The following SHANK2 variants were observed in gnomAD, a reference collection of about 807,000 sequenced individuals.
The protein encoded by SHANK2 is SH3 and multiple ankyrin repeat domains 2.
In SHANK2, 43 loss-of-function variants were observed where a neutral mutation model predicts 133.7. That is an observed-to-expected ratio of 0.32 (90% CI 0.25 to 0.41). SHANK2 has a LOEUF of 0.41. Ranked by LOEUF, SHANK2 falls within the 10% of genes least tolerant of loss-of-function variation. The pLI, the probability that SHANK2 is intolerant of heterozygous loss-of-function variation, is 1.00. For synonymous variants in SHANK2, 1,017 were observed against 952.8 expected, an observed-to-expected ratio of 1.07 and a Z score of -1.24; for missense variants, 1,994 against 2,235.8, an observed-to-expected ratio of 0.89 and a Z score of 2.18.
At chr11:70,954,098 G>A (rs767729443) in intron 10 of SHANK2, among the ~76,000 whole-genome samples, 12 of 152,230 alleles carry the variant, frequency 7.9e-5, no homozygotes, top group South Asian at 6.2e-4. Flanking sequence ...GGCACTCATC[G>A]GGGAAGAGGA....
chr11:70,687,141 T>C (rs1174904305), intron 15 of SHANK2, among the ~76,000 whole-genome samples: 1 of 152,206 alleles, frequency 6.6e-6, no homozygotes, highest in Non-Finnish European at 1.5e-5. Flanking sequence ...TAGAATTTTA[T>C]ATTCACAAGA....
At chr11:70,847,977 G>C (rs1397692537) in intron 11 of SHANK2, among the ~76,000 whole-genome samples, 6 of 152,240 alleles carry the variant, frequency 3.9e-5, no homozygotes, top group African/African-American at 1.4e-4. Flanking sequence ...GTGGCTGGAG[G>C]GGACCAGCCA....
Position 70,469,547 on chromosome 11 carries a change from A to G in SHANK2, c.*3322T>C, listed in dbSNP as rs2058572365. The G allele has an allele frequency of 6.6e-6, 1 of 152,212 alleles. No individual in the cohort carries two copies. The highest frequency in any genetic ancestry group is 2.1e-4 in the South Asian group (1 of 4,826). The allele number at this position is 152,212 out of a possible 1,614,324, so 9.4% of individuals were successfully genotyped here. The stretch of plus-strand genomic sequence containing the variant: ...CTTTTTTTTTTTTTTATAAAGTCTA[A>G]AAAGAATAAAAGCACAAAAGTAACA... On this transcript the variant is annotated 3_prime_UTR_variant, in exon 26 of 26. Transcript: ENST00000601538.
chr11:70,587,240 A>G (rs1180198189), intron 17 of SHANK2, among the ~76,000 whole-genome samples: 1 of 152,138 alleles, frequency 6.6e-6, no homozygotes, highest in African/African-American at 2.4e-5. Flanking sequence ...ACGCCACATG[A>G]ATCACCAAGA....
intron 8 of SHANK2, among the ~76,000 whole-genome samples, chr11:71,085,809 ATTATG>A (rs1951390448): frequency 5.7e-5 from 3 of 53,016 alleles, no homozygotes; most frequent in Admixed American, 3.9e-4. Flanking sequence ...AACATAATAT[ATTATG>A]TTATATTATA....
chr11:71,096,404 G>A (rs1291001239), intron 6 of SHANK2, among the ~76,000 whole-genome samples: 2 of 152,180 alleles, frequency 1.3e-5, no homozygotes, highest in African/African-American at 2.4e-5. Flanking sequence ...TGGGGCAGAC[G>A]CCAGAGAAAA....
chr11:71,236,972 G>A lies in SHANK2; in HGVS notation c.-112-12176C>T, dbSNP rs372291620. Among the ~76,000 whole-genome samples the A allele has an allele frequency of 8.5e-5, 13 of 152,324 alleles. No individual in the cohort carries two copies. The East Asian group carries it at 9.7e-4, about 11-fold the overall frequency. ...AGGGACTTGGCGCAGGTGGGACTGC[G>A]CTGCGGGCCTGGGAGGCTGTCACAG... On this transcript the variant is annotated intron_variant, in intron 1 of 25. Transcript: ENST00000601538.
At chr11:71,167,339 G>A (rs529585011) in intron 2 of SHANK2, among the ~76,000 whole-genome samples, 12 of 149,756 alleles carry the variant, frequency 8.0e-5, no homozygotes, top group African/African-American at 2.5e-4. Context: ...GGGCAGAGGG[G>A]CTCACTTCCC....
At chr11:71,146,681 T>G (rs1952653923) in intron 3 of SHANK2, among the ~76,000 whole-genome samples, 1 of 152,164 alleles carries the variant, frequency 6.6e-6, no homozygotes, top group Admixed American at 6.5e-5. Context: ...CATGGGATGC[T>G]GGGCCTCTGG....
chr11:70,917,236 A>G (rs1950283682), intron 10 of SHANK2, among the ~76,000 whole-genome samples: 1 of 152,254 alleles, frequency 6.6e-6, no homozygotes. Context: ...GAAGACATAC[A>G]TGCAGCTAAT....
intron 14 of SHANK2, among the ~76,000 whole-genome samples, chr11:70,730,268 C>A (rs1401623059): frequency 6.6e-6 from 1 of 152,162 alleles, no homozygotes; most frequent in Non-Finnish European, 1.5e-5. Context: ...CAACGAACAC[C>A]TAGACTGTGA....
intron 17 of SHANK2, among the ~76,000 whole-genome samples, chr11:70,608,645 GCAGGAGCGCTGCTTCCT>G (rs1554993261): frequency 6.6e-6 from 1 of 152,194 alleles, no homozygotes; most frequent in Non-Finnish European, 1.5e-5. Flanking sequence ...CCCATCAGCC[GCAGGAGCGCTGCTTCCT>G]CAGGGCCTCT....
chr11:71,142,551 G>T (rs1357448866), intron 3 of SHANK2, among the ~76,000 whole-genome samples: 1 of 151,934 alleles, frequency 6.6e-6, no homozygotes, highest in East Asian at 1.9e-4. Flanking sequence ...GCAGAAAAAT[G>T]CCAAGCAATT....
intron 17 of SHANK2, among the ~76,000 whole-genome samples, chr11:70,584,704 G>C (rs2060225878): frequency 6.6e-6 from 1 of 152,172 alleles, no homozygotes; most frequent in Non-Finnish European, 1.5e-5. Context: ...AATGGACCTT[G>C]TGCTTCCCTG....
rs182128938 is a variant in SHANK2 at position 70,893,254 on chromosome 11, C to T, written c.1174+3247G>A. On this transcript the variant is annotated intron_variant, in intron 11 of 25. Transcript: ENST00000601538. ...CTTTCTTAAACAATGGGCAAAGACC[C>T]GCATGCAGGAGTTAGCAAGACACAT... 3.7e-4 allele frequency among the ~76,000 whole-genome samples: 56 copies of T among 152,312 alleles called. 1 individual carries two copies. The East Asian group carries it at 5.6e-3, about 15-fold the overall frequency.
chr11:70,666,365 A>AC (rs372955258), intron 15 of SHANK2, among the ~76,000 whole-genome samples: 2 of 152,128 alleles, frequency 1.3e-5, no homozygotes, highest in African/African-American at 2.4e-5. Context: ...ACTTGGCAGC[A>AC]CCCCCCATCC....
At chr11:71,116,046 T>C (rs1951973157) in intron 4 of SHANK2, among the ~76,000 whole-genome samples, 1 of 152,226 alleles carries the variant, frequency 6.6e-6, no homozygotes, top group Non-Finnish European at 1.5e-5. Context: ...TTTTCTACAC[T>C]GAAACCCCTC....
chr11:70,783,345 A>G (rs963488068), intron 14 of SHANK2, among the ~76,000 whole-genome samples: 1 of 152,176 alleles, frequency 6.6e-6, no homozygotes, highest in Non-Finnish European at 1.5e-5. Flanking sequence ...CCACGTTTAC[A>G]TCGAGACACA....
chr11:70,886,721 A>C (rs67146736), intron 11 of SHANK2, among the ~76,000 whole-genome samples: 1,469 of 91,248 alleles, frequency 0.016, 26 homozygotes, highest in African/African-American at 0.043. Flanking sequence ...ACACACACAC[A>C]CCCCTAACAT....
Sources: gnomAD v4.1 joint callset for allele counts (sites outside exome capture counted in the v4.1 genomes callset) on GRCh38, gnomAD v4.1.1 for gene constraint, MANE v1.5 for transcripts, NCBI Gene and HGNC (gene_info 2026-07-23, HGNC 2026-07-21) for gene names.